BTRC: variants seen among roughly 807,000 people sequenced by gnomAD.
The protein encoded by BTRC is beta-transducin repeat containing E3 ubiquitin protein ligase.
BTRC carries 42 observed loss-of-function variants against 85.5 expected under a neutral mutation model. The ratio of observed to expected loss-of-function variants is 0.49; its 90% CI spans 0.38 to 0.64. The LOEUF is 0.64. BTRC is among the 30% of genes least tolerant of loss of function. The probability of loss-of-function intolerance (pLI) is 0.00; values close to 1 mark genes in which losing one functional copy is unlikely to be tolerated. For synonymous variants in BTRC, 255 were observed against 263.3 expected (o/e 0.97, Z 0.30); for missense variants, 594 against 743.5 (o/e 0.80, Z 2.34).
rs1564845115 is a variant in BTRC, at chr10:101,554,689, A to T, written c.*1566A>T. 1 of 152,642 alleles carries T rather than the reference A, an allele frequency of 6.6e-6. No homozygotes were observed. The highest frequency in any genetic ancestry group is 1.5e-5 in the Non-Finnish European group (1 of 68,048). The allele number at this position is 152,642 out of a possible 1,614,324, so 9.5% of individuals were successfully genotyped here. On this transcript the variant is annotated 3_prime_UTR_variant, in exon 15 of 15. Transcript: ENST00000370187. ...GCGTCTGTGGCGATTGGTGAACAGC[A>T]TAAACAGCTGGACCTCAGCAAGGGT... is the stretch of plus-strand genomic sequence containing the variant.
At chr10:101,503,499 C>T (rs61874020) in intron 4 of BTRC, among the ~76,000 whole-genome samples, 15,108 of 152,206 alleles carry the variant, frequency 0.099, 1,035 homozygotes, top group Non-Finnish European at 0.14. Flanking sequence ...CTAAACTAAG[C>T]TTTTCCTGGA....
chr10:101,437,680 G>A (rs890606201), intron 2 of BTRC, among the ~76,000 whole-genome samples: 5 of 152,100 alleles, frequency 3.3e-5, no homozygotes, highest in African/African-American at 1.2e-4. Flanking sequence ...CTCATAGATA[G>A]CTGCTCACAT....
intron 1 of BTRC, among the ~76,000 whole-genome samples, chr10:101,394,175 G>A (rs1255597784): frequency 1.3e-5 from 2 of 152,188 alleles, no homozygotes; most frequent in Non-Finnish European, 2.9e-5. Flanking sequence ...TTTTATGAAA[G>A]AAGGGGACTC....
chr10:101,360,749 G>A (rs573568003), intron 1 of BTRC, among the ~76,000 whole-genome samples: 21 of 152,112 alleles, frequency 1.4e-4, no homozygotes, highest in African/African-American at 4.1e-4. Context: ...TTTGTGCCTC[G>A]GCCTCTCCAG....
chr10:101,397,834 G>A (rs1196077864), intron 1 of BTRC, among the ~76,000 whole-genome samples: 1 of 152,162 alleles, frequency 6.6e-6, no homozygotes, highest in East Asian at 1.9e-4. Context: ...CCTATGAACA[G>A]ATGGATTTGA....
intron 1 of BTRC, among the ~76,000 whole-genome samples, chr10:101,375,437 A>G (rs1254640267): frequency 2.0e-5 from 3 of 152,220 alleles, no homozygotes; most frequent in Non-Finnish European, 2.9e-5. Flanking sequence ...CCGTGAGCCA[A>G]TGAAACCTCT....
At chr10:101,492,839 AG>A (rs960611900) in intron 4 of BTRC, among the ~76,000 whole-genome samples, 1 of 152,172 alleles carries the variant, frequency 6.6e-6, no homozygotes, top group Non-Finnish European at 1.5e-5. Flanking sequence ...TGCTTTTCAA[AG>A]GTTTAGGTAC....
At chr10:101,378,525 T>A (rs1298736671) in intron 1 of BTRC, among the ~76,000 whole-genome samples, 1 of 146,806 alleles carries the variant, frequency 6.8e-6, no homozygotes, top group Non-Finnish European at 1.5e-5. Flanking sequence ...TTATAATTTT[T>A]TTTTTTTTTT....
At chr10:101,477,118 A>T (rs1230277578) in intron 3 of BTRC, among the ~76,000 whole-genome samples, 3 of 152,190 alleles carry the variant, frequency 2.0e-5, no homozygotes, top group Admixed American at 1.3e-4. Flanking sequence ...CTGGGATTAC[A>T]GGCATGCACC....
At chr10:101,384,283 T>C (rs1943011070) in intron 1 of BTRC, among the ~76,000 whole-genome samples, 1 of 152,228 alleles carries the variant, frequency 6.6e-6, no homozygotes, top group African/African-American at 2.4e-5. Flanking sequence ...TTAGAAATAC[T>C]ATAAACATCA....
rs78525469 is a variant in BTRC, at chr10:101,480,329, A to G, written c.324+872A>G. On this transcript the variant is annotated intron_variant, in intron 4 of 14. Transcript: ENST00000370187. The stretch of plus-strand genomic sequence containing the variant: ...TGTCATTGCTATCTTTGCTACAAAA[A>G]TCTAATGACAGTTGTCTTAGTCCAT... 1.6e-3 allele frequency among the ~76,000 whole-genome samples: 237 copies of G among 152,342 alleles called. 1 individual carries two copies. The highest frequency in any genetic ancestry group is 3.0e-3 in the Non-Finnish European group (201 of 68,028).
intron 1 of BTRC, 122 bp downstream of exon 1, chr10:101,354,350 G>A: frequency 8.8e-7 from 1 of 1,134,380 alleles, no homozygotes; most frequent in South Asian, 1.7e-5. Flanking sequence ...TGGCGGCGGA[G>A]CGGCTGGAGG....
At chr10:101,459,875 T>G (rs932359644) in intron 2 of BTRC, among the ~76,000 whole-genome samples, 12 of 152,200 alleles carry the variant, frequency 7.9e-5, no homozygotes, top group African/African-American at 2.9e-4. Context: ...TATTTTTCAC[T>G]TTATAATTCA....
intron 13 of BTRC, among the ~76,000 whole-genome samples, chr10:101,540,743 T>A (rs1388013802): frequency 6.6e-6 from 1 of 152,218 alleles, no homozygotes; most frequent in Admixed American, 6.5e-5. Context: ...ATAGTACTCC[T>A]ACCTCAGACA....
chr10:101,411,031 T>TGTC (rs1380888682), intron 1 of BTRC, among the ~76,000 whole-genome samples: 1 of 150,004 alleles, frequency 6.7e-6, no homozygotes. Context: ...AGTGTCACTC[T>TGTC]GTCGCCCAGG....
intron 1 of BTRC, among the ~76,000 whole-genome samples, chr10:101,374,685 T>A (rs1256553958): frequency 6.9e-6 from 1 of 145,124 alleles, no homozygotes; most frequent in Non-Finnish European, 1.5e-5. Flanking sequence ...TAATGCTAGA[T>A]GACGAGTTAG....
intron 4 of BTRC, among the ~76,000 whole-genome samples, chr10:101,505,177 A>ATATATATT (rs1344102937): frequency 1.4e-5 from 2 of 139,402 alleles, no homozygotes; most frequent in Non-Finnish European, 3.1e-5. Context: ...ATATATATAT[A>ATATATATT]TTTTTTAGTA....
At chr10:101,415,686 C>G (rs1360390496) in intron 1 of BTRC, among the ~76,000 whole-genome samples, 1 of 151,296 alleles carries the variant, frequency 6.6e-6, no homozygotes, top group Non-Finnish European at 1.5e-5. Context: ...GGATTACAGG[C>G]ATGCGCCACC....
At chr10:101,430,517 T>C in intron 2 of BTRC, 65 bp downstream of exon 2, 1 of 1,269,412 alleles carries the variant, frequency 7.9e-7, no homozygotes, top group Non-Finnish European at 1.1e-6. Context: ...CATTAGTATG[T>C]GCCTCCTCCT....
Sources: allele counts gnomAD v4.1 joint callset (sites outside exome capture counted in the v4.1 genomes callset), GRCh38; gene constraint gnomAD v4.1.1; transcripts MANE v1.5; gene names NCBI Gene and HGNC (gene_info 2026-07-23, HGNC 2026-07-21).